SPMIP7: variants seen among roughly 807,000 people sequenced by gnomAD.
The protein encoded by SPMIP7 is protein SPMIP7.
the SPMIP7 span, among the ~76,000 whole-genome samples, chr7:50,128,121 T>C: frequency 6.6e-6 from 1 of 152,004 alleles, no homozygotes; most frequent in Non-Finnish European, 1.5e-5. Context: ...CACAATGGAA[T>C]ATTATTAAGC....
At chr7:50,126,257 T>C in the SPMIP7 span, among the ~76,000 whole-genome samples, 1 of 152,006 alleles carries the variant, frequency 6.6e-6, no homozygotes, top group Non-Finnish European at 1.5e-5. Flanking sequence ...GATAAAGGAA[T>C]ATTACAAACT....
the SPMIP7 span, chr7:50,121,452 G>T: frequency 6.6e-6 from 1 of 152,160 alleles, no homozygotes; most frequent in African/African-American, 2.4e-5. Context: ...ACCAGCAAAA[G>T]ATGTTAAACT....
At chr7:50,104,063 T>C in the SPMIP7 span, among the ~76,000 whole-genome samples, 1 of 152,192 alleles carries the variant, frequency 6.6e-6, no homozygotes, top group Admixed American at 6.5e-5. Context: ...AGATGTATAG[T>C]ACCAAATAGG....
At chr7:50,102,152 C>T in the SPMIP7 span, among the ~76,000 whole-genome samples, 1 of 152,068 alleles carries the variant, frequency 6.6e-6, no homozygotes, top group Non-Finnish European at 1.5e-5. Context: ...GGTGAAACCC[C>T]GTCTCTACTA....
the SPMIP7 span, among the ~76,000 whole-genome samples, chr7:50,107,981 C>T: frequency 7.2e-5 from 11 of 152,094 alleles, no homozygotes; most frequent in East Asian, 1.9e-4. Context: ...GGAATCTGGA[C>T]GTCAGTGCCA....
chr7:50,118,450 G>A, the SPMIP7 span, among the ~76,000 whole-genome samples: 5 of 152,278 alleles, frequency 3.3e-5, no homozygotes, highest in East Asian at 5.8e-4. Context: ...AAAAACTTCA[G>A]GTGGTGTATT....
chr7:50,144,590 T>C, the SPMIP7 span, among the ~76,000 whole-genome samples: 1 of 152,242 alleles, frequency 6.6e-6, no homozygotes, highest in Non-Finnish European at 1.5e-5. Context: ...ATGCATTCTT[T>C]TGGAACAAAT....
At chr7:50,141,380 C>T in the SPMIP7 span, 1 of 1,539,504 alleles carries the variant, frequency 6.5e-7, no homozygotes, top group African/African-American at 1.4e-5. Flanking sequence ...TTTATACAAA[C>T]ACAAGTCGGT....
chr7:50,145,632 A>G, the SPMIP7 span, among the ~76,000 whole-genome samples: 2,874 of 88,020 alleles, frequency 0.033, 343 homozygotes, highest in Non-Finnish European at 0.041. Flanking sequence ...ATATATATAT[A>G]TATATATATA....
the SPMIP7 span, among the ~76,000 whole-genome samples, chr7:50,146,608 T>C: frequency 3.3e-5 from 5 of 152,246 alleles, no homozygotes; most frequent in African/African-American, 1.2e-4. Context: ...ATTCCAGTTT[T>C]ATTTGCATTT....
At chr7:50,151,139 G>A in the SPMIP7 span, among the ~76,000 whole-genome samples, 1 of 152,188 alleles carries the variant, frequency 6.6e-6, no homozygotes, top group Non-Finnish European at 1.5e-5. Context: ...CCTTCATTAT[G>A]AAACAGAGCT....
chr7:50,133,179 C>T, the SPMIP7 span, among the ~76,000 whole-genome samples: 1 of 151,952 alleles, frequency 6.6e-6, no homozygotes, highest in African/African-American at 2.4e-5. Context: ...GTCATATATG[C>T]CTGTGAAAGA....
At chr7:50,108,606 G>A in the SPMIP7 span, among the ~76,000 whole-genome samples, 1 of 152,066 alleles carries the variant, frequency 6.6e-6, no homozygotes, top group Non-Finnish European at 1.5e-5. Flanking sequence ...CTTTGATAAA[G>A]GGCAATAAAA....
chr7:50,133,235 T>TTG, the SPMIP7 span, among the ~76,000 whole-genome samples: 715 of 150,516 alleles, frequency 4.8e-3, 5 homozygotes, highest in South Asian at 0.013. Context: ...GTGTGTGTGT[T>TTG]TGTGTGTGTG....
chr7:50,151,192 A>G, the SPMIP7 span, among the ~76,000 whole-genome samples: 8 of 152,340 alleles, frequency 5.3e-5, no homozygotes, highest in East Asian at 1.5e-3. Context: ...AATTTAAAAT[A>G]GCAGAAAAAC....
At chr7:50,152,894 C>T in the SPMIP7 span, among the ~76,000 whole-genome samples, 3 of 152,146 alleles carry the variant, frequency 2.0e-5, no homozygotes, top group South Asian at 6.2e-4. Flanking sequence ...CCCATGTTGG[C>T]CAGGCTGGTC....
At chr7:50,145,051 GAGGAGTTGGAGATC>G in the SPMIP7 span, among the ~76,000 whole-genome samples, 1 of 151,870 alleles carries the variant, frequency 6.6e-6, no homozygotes, top group Non-Finnish European at 1.5e-5. Flanking sequence ...CACCTGAGGT[GAGGAGTTGGAGATC>G]AGGCTGGCCA....
At chr7:50,151,517 A>T in the SPMIP7 span, 1 of 1,551,654 alleles carries the variant, frequency 6.4e-7, no homozygotes, top group Non-Finnish European at 8.7e-7. Context: ...AAATTCTAAT[A>T]TTCCATCAAC....
the SPMIP7 span, among the ~76,000 whole-genome samples, chr7:50,115,065 C>T: frequency 3.3e-5 from 5 of 150,700 alleles, no homozygotes; most frequent in Non-Finnish European, 5.9e-5. Context: ...CCTACTTATA[C>T]GCTGACCACA....
Sources: allele counts gnomAD v4.1 joint callset (sites outside exome capture counted in the v4.1 genomes callset), GRCh38; gene constraint gnomAD v4.1.1; transcripts MANE v1.5; gene names NCBI Gene and HGNC (gene_info 2026-07-23, HGNC 2026-07-21).